ARID4A: variants seen among roughly 807,000 people sequenced by gnomAD.
ARID4A encodes the protein AT-rich interaction domain 4A.
ARID4A carries 39 observed loss-of-function variants against 148.6 expected under a neutral mutation model. That is an observed-to-expected ratio of 0.26 (90% CI 0.20 to 0.34). The LOEUF (loss-of-function observed/expected upper bound fraction) is 0.34. Ranked by LOEUF, ARID4A falls within the 10% of genes least tolerant of loss-of-function variation. ARID4A has a pLI of 1.00. For synonymous variants in ARID4A, 475 were observed against 481.2 expected (o/e 0.99, Z 0.17); for missense variants, 1,265 against 1,449.1 (o/e 0.87, Z 2.06).
At chr14:58,308,556 G>A (rs2031782508) in intron 5 of ARID4A, among the ~76,000 whole-genome samples, 1 of 152,222 alleles carries the variant, frequency 6.6e-6, no homozygotes, top group East Asian at 1.9e-4. Context: ...ACTCAAGATA[G>A]CACTGCTCTA....
At chr14:58,333,171 TA>T (rs2033627459) in intron 11 of ARID4A, among the ~76,000 whole-genome samples, 1 of 152,082 alleles carries the variant, frequency 6.6e-6, no homozygotes. Context: ...GTTTTATCTA[TA>T]TTGATTACTT....
chr14:58,305,638 T>C (rs185092872), intron 4 of ARID4A, among the ~76,000 whole-genome samples: 1 of 152,280 alleles, frequency 6.6e-6, no homozygotes, highest in Admixed American at 6.5e-5. Flanking sequence ...AGAAAATGGA[T>C]GCTATTTTGG....
chr14:58,357,611 A>G (rs972905574), intron 17 of ARID4A, among the ~76,000 whole-genome samples: 3 of 126,334 alleles, frequency 2.4e-5, no homozygotes, highest in Admixed American at 9.4e-5. Context: ...ATTTTTTTGC[A>G]TGGTTTTTTT....
At chr14:58,330,450 GA>G (rs1216847205) in intron 11 of ARID4A, among the ~76,000 whole-genome samples, 2 of 151,770 alleles carry the variant, frequency 1.3e-5, no homozygotes, top group Non-Finnish European at 2.9e-5. Context: ...ACCCAGGAGG[GA>G]AAAAAATGTA....
intron 1 of ARID4A, among the ~76,000 whole-genome samples, 166 bp downstream of exon 1, chr14:58,298,866 C>T (rs1018510964): frequency 1.3e-5 from 2 of 152,198 alleles, no homozygotes; most frequent in Non-Finnish European, 1.5e-5. Flanking sequence ...CATTGACCAG[C>T]GGCAGCAACT....
chr14:58,350,100 T>TAAAAAAAAAAAA, intron 15 of ARID4A, among the ~76,000 whole-genome samples: 1 of 83,810 alleles, frequency 1.2e-5, no homozygotes, highest in African/African-American at 4.7e-5. Context: ...GACTCTGTCT[T>TAAAAAAAAAAAA]AAAAAAAAAA....
chr14:58,327,612 G>A (rs904121986), intron 8 of ARID4A, among the ~76,000 whole-genome samples: 3 of 151,574 alleles, frequency 2.0e-5, no homozygotes. Context: ...TTATTTTTTG[G>A]ACAATAATTT....
intron 5 of ARID4A, among the ~76,000 whole-genome samples, chr14:58,306,808 G>A (rs886675613): frequency 6.6e-6 from 1 of 152,206 alleles, no homozygotes; most frequent in Non-Finnish European, 1.5e-5. Flanking sequence ...GAACCTGGGA[G>A]GCGGAGGTTG....
At chr14:58,314,618 G>A (rs889728887) in intron 5 of ARID4A, among the ~76,000 whole-genome samples, 1 of 151,608 alleles carries the variant, frequency 6.6e-6, no homozygotes, top group African/African-American at 2.4e-5. Context: ...TTGTAAAGAC[G>A]GGGTCTCGCT....
intron 5 of ARID4A, among the ~76,000 whole-genome samples, chr14:58,309,830 G>A (rs2140143739): frequency 6.6e-6 from 1 of 152,278 alleles, no homozygotes; most frequent in Non-Finnish European, 1.5e-5. Context: ...TGTAGTTACT[G>A]TTTTGAACAT....
chr14:58,309,969 G>A (rs1443740063), intron 5 of ARID4A, among the ~76,000 whole-genome samples: 7 of 152,088 alleles, frequency 4.6e-5, no homozygotes, highest in African/African-American at 9.7e-5. Context: ...AGTCAGACTC[G>A]CTTATGACAA....
At chr14:58,325,873 C>A (rs1404232809) in intron 8 of ARID4A, among the ~76,000 whole-genome samples, 11 of 150,428 alleles carry the variant, frequency 7.3e-5, no homozygotes, top group Admixed American at 4.0e-4. Flanking sequence ...TTTTTAATAA[C>A]AAATTCTTTT....
intron 18 of ARID4A, among the ~76,000 whole-genome samples, chr14:58,359,705 T>G (rs1051920858): frequency 6.6e-6 from 1 of 152,218 alleles, no homozygotes; most frequent in Non-Finnish European, 1.5e-5. Flanking sequence ...TATAGCCTTT[T>G]TAGATTGGCT....
At chr14:58,371,855 T>C (rs1448288777) in intron 23 of ARID4A, 31 bp from the exon 24 acceptor site, 2 of 1,531,762 alleles carry the variant, frequency 1.3e-6, no homozygotes, top group Admixed American at 3.4e-5. Context: ...TAACAGTTTT[T>C]GGATCTAACA....
intron 3 of ARID4A, 74 bp downstream of exon 3, chr14:58,301,764 C>A: frequency 9.2e-7 from 1 of 1,084,386 alleles, no homozygotes; most frequent in Non-Finnish European, 1.4e-6. Context: ...GACTGCAAAT[C>A]AGCATTTTAT....
rs1469530951 is a variant in ARID4A, at chr14:58,346,502, C to T, written c.1071C>T (p.Asp357=). ...FRLVYHQGGC[D]NIDSGAVWKQ... is the part of the protein sequence containing the mutation. ...TGGTTTATCATCAGGGTGGATGTGA[C>T]AATGTAAGTATAACATTGCTTTTTG... Residue 357 remains aspartate (D), a synonymous_variant, in exon 13 of 24, where the codon GAC becomes GAT. Transcript: ENST00000355431. The T allele has an allele frequency of 6.3e-7, 1 of 1,596,860 alleles. No individual in the cohort carries two copies. The highest frequency in any genetic ancestry group is 1.1e-5 in the South Asian group (1 of 90,018).
At position 58,316,881 on chromosome 14, in the gene ARID4A, A is replaced by T. The variant is rs574241995; in HGVS notation, c.275-1661A>T. Among the ~76,000 whole-genome samples the T allele has an allele frequency of 1.9e-4, 28 of 148,104 alleles. No homozygotes were observed. In the South Asian group the frequency reaches 5.7e-3, roughly 30 times the overall value. ...AGGCGGGAGTCACCGCGCCCGGCCA[A>T]GTAGTATGATTTTTTAAAATATGTA... On this transcript the variant is annotated intron_variant, in intron 5 of 23. Coordinates refer to ENST00000355431, the MANE Select transcript of ARID4A (RefSeq NM_002892.4).
intron 8 of ARID4A, among the ~76,000 whole-genome samples, chr14:58,328,009 G>A (rs1277794736): frequency 6.6e-6 from 1 of 152,122 alleles, no homozygotes; most frequent in African/African-American, 2.4e-5. Flanking sequence ...ATAATCTAAT[G>A]ACTATGGATA....
At chr14:58,332,229 A>C (rs991852404) in intron 11 of ARID4A, among the ~76,000 whole-genome samples, 5 of 152,106 alleles carry the variant, frequency 3.3e-5, no homozygotes, top group African/African-American at 1.2e-4. Flanking sequence ...ATAGTAAATA[A>C]ATTTTTAAAG....
Sources: allele counts gnomAD v4.1 joint callset (sites outside exome capture counted in the v4.1 genomes callset), GRCh38; gene constraint gnomAD v4.1.1; transcripts MANE v1.5; gene names NCBI Gene and HGNC (gene_info 2026-07-23, HGNC 2026-07-21).